The following PHF20 variants were observed in gnomAD, a reference collection of about 807,000 sequenced individuals.
PHF20 encodes the protein glioma-expressed antigen 2.
A neutral mutation model predicts 113.5 loss-of-function variants in PHF20; 23 were observed. That is an observed-to-expected ratio of 0.20 (90% CI 0.15 to 0.29). PHF20 has a LOEUF of 0.29. PHF20 is among the 10% of genes least tolerant of loss of function. The pLI is 1.00. For missense variants in PHF20, 943 were observed against 1,219.6 expected (o/e 0.77, Z 3.38); for synonymous variants, 434 against 457.3 (o/e 0.95, Z 0.65).
intron 2 of PHF20, among the ~76,000 whole-genome samples, chr20:35,816,787 G>GTT (rs879286513): frequency 7.9e-5 from 11 of 139,870 alleles, no homozygotes; most frequent in African/African-American, 2.7e-4. Flanking sequence ...AATTAAATGA[G>GTT]TTTTTTTTTT....
chr20:35,939,558 C>A (rs2055936800), intron 16 of PHF20, among the ~76,000 whole-genome samples: 1 of 152,072 alleles, frequency 6.6e-6, no homozygotes, highest in Non-Finnish European at 1.5e-5. Context: ...ACTTTGAAGC[C>A]CTGTGGTAAA....
Position 35,785,867 on chromosome 20 carries a change from C to T in PHF20, c.-33+13788C>T, listed in dbSNP as rs139808187. Among the ~76,000 whole-genome samples the T allele has an allele frequency of 8.6e-3, 1,294 of 150,326 alleles. 21 individuals carry two copies. Among genetic ancestry groups the T allele is most frequent in the African/African-American group, 0.03 (1,238 of 40,902 alleles). ...CCAACACAGTGAAATCCCGTCTCTA[C>T]TAAAAATACAAAAAATTAGCTGGGC... is the stretch of plus-strand genomic sequence containing the variant. On this transcript the variant is annotated intron_variant, in intron 1 of 17. Transcript: ENST00000374012.
At chr20:35,920,341 A>G (rs2055488578) in intron 13 of PHF20, among the ~76,000 whole-genome samples, 1 of 152,120 alleles carries the variant, frequency 6.6e-6, no homozygotes, top group African/African-American at 2.4e-5. Flanking sequence ...CATGCTATGG[A>G]TGTACCACAG....
chr20:35,820,364 A>G (rs2042146483), intron 2 of PHF20, among the ~76,000 whole-genome samples: 2 of 151,848 alleles, frequency 1.3e-5, no homozygotes, highest in South Asian at 4.1e-4. Flanking sequence ...ATTCCAGTGG[A>G]GGTGGATAGA....
chr20:35,922,279 G>A (rs1044852777), intron 13 of PHF20, among the ~76,000 whole-genome samples: 2 of 152,178 alleles, frequency 1.3e-5, no homozygotes, highest in Admixed American at 6.5e-5. Context: ...TGTGAGCAAC[G>A]TACCTTTTCT....
chr20:35,842,671 A>G lies in PHF20; in HGVS notation c.182A>G (p.Asp61Gly). 1 of 1,614,118 alleles carries G rather than the reference A, an allele frequency of 6.2e-7. No individual in the cohort carries two copies. The highest frequency in any genetic ancestry group is 8.5e-7 in the Non-Finnish European group (1 of 1,179,970). ...CGTTATGATGAGTGGTTCTGCTGGG[A>G]CAGTCCTTATTTACGCCCTTTAGAG... ...NHRYDEWFCW[D>G]SPYLRPLEKI... Residue 61 changes from aspartate (D) to glycine (G), a missense_variant, in exon 3 of 18, where the codon GAC becomes GGC. Physicochemically the swap from Asp to Gly is moderately conservative, Grantham distance 94. Transcript: ENST00000374012.
At chr20:35,924,892 C>T (rs900025667) in intron 13 of PHF20, among the ~76,000 whole-genome samples, 2 of 151,926 alleles carry the variant, frequency 1.3e-5, no homozygotes, top group Non-Finnish European at 2.9e-5. Flanking sequence ...AGAGCCACTG[C>T]GCCTGGCCCA....
chr20:35,885,467 C>CTTTTTTTTTTTTTTTTTT (rs577878410), intron 9 of PHF20, among the ~76,000 whole-genome samples: 2 of 35,738 alleles, frequency 5.6e-5, no homozygotes, highest in African/African-American at 1.1e-4. Context: ...GGGGAATAAG[C>CTTTTTTTTTTTTTTTTTT]TTTTTTTTTT....
rs754080209 is a variant in PHF20, at chr20:35,938,842, G to A, written c.2446G>A (p.Val816Met). Residue 816 changes from valine to methionine, a missense_variant, in exon 16 of 18, where the codon GTG becomes ATG. Val to Met is a conservative substitution (Grantham distance 21). Around this residue, in one of 3 missense-constraint regions of PHF20, gnomAD observed 349 missense variants for 412.3 expected, o/e 0.85. Transcript: ENST00000374012. ...APSYRTLNGA[V>M]EKPRPLALPL... Reference sequence around the variant, plus strand: ...AAGCTATAGAACTTTGAACGGGGCAGTGGAGAAGCCCAGGCCCCTGGCCCT... The same window carrying A: ...AAGCTATAGAACTTTGAACGGGGCAATGGAGAAGCCCAGGCCCCTGGCCCT... 6.2e-7 allele frequency: 1 copy of A among 1,614,224 alleles called. No homozygotes were observed. Among genetic ancestry groups the A allele is most frequent in the East Asian group, 2.2e-5 (1 of 44,882 alleles).
rs201623482 is a variant in PHF20, at chr20:35,865,497, GTTTTTTTTTTT to G, written c.808+2112_808+2122del. ...TATTTAAATTAACTTTTTAAGTTGT[GTTTTTTTTTTT>G]TTTTTTTTTTTTTTGACAGGGTCTC... is the stretch of plus-strand genomic sequence containing the variant. On this transcript the variant is annotated intron_variant, in intron 6 of 17. Transcript: ENST00000374012. Among the ~76,000 whole-genome samples, 479 of 96,602 alleles carry G rather than the reference GTTTTTTTTTTT, an allele frequency of 5.0e-3. 4 individuals are homozygous for G. The highest frequency in any genetic ancestry group is 7.2e-3 in the Admixed American group (63 of 8,714). The allele number at this position is 96,602 out of a possible 152,430, so 63.4% of individuals were successfully genotyped here.
chr20:35,947,335 GGCCC>G lies in PHF20; in HGVS notation c.2897-149_2897-146del. On this transcript the variant is annotated intron_variant, in intron 17 of 17. Coordinates refer to ENST00000374012, the MANE Select transcript of PHF20 (RefSeq NM_016436.5). ...GTGTTGACACAGTGCTGGCTGAAATGGCCCTTCCTCCCTTGCCCCATGGAGGCTG... is the reference window on the plus strand; with the variant it reads ...GTGTTGACACAGTGCTGGCTGAAATGTTCCTCCCTTGCCCCATGGAGGCTG... 12 of 650,596 alleles carry G rather than the reference GGCCC, an allele frequency of 1.8e-5. No homozygotes were observed. The South Asian group carries it at 2.2e-4, about 12-fold the overall frequency. 40.3% of individuals were successfully genotyped at this position (650,596 alleles called of 1,614,324 possible).
chr20:35,947,438 C>G (rs760511485), intron 17 of PHF20, 47 bp from the exon 18 acceptor site: 2 of 1,588,328 alleles, frequency 1.3e-6, no homozygotes, highest in Non-Finnish European at 1.7e-6. Context: ...TCTTGCAAAT[C>G]AAGTGTTGGG....
intron 9 of PHF20, among the ~76,000 whole-genome samples, chr20:35,898,569 G>T (rs1183102756): frequency 2.0e-5 from 3 of 152,116 alleles, no homozygotes; most frequent in African/African-American, 7.2e-5. Context: ...CGAATAGCTA[G>T]AATTACAGAT....
At position 35,899,629 on chromosome 20, in the gene PHF20, G is replaced by A. The variant is rs747560371; in HGVS notation, c.1542G>A (p.Arg514=). 6.2e-7 allele frequency: 1 copy of A among 1,613,954 alleles called. No individual in the cohort carries two copies. Residue 514 remains arginine (R), a synonymous_variant, in exon 10 of 18, where the codon CGG becomes CGA. Transcript: ENST00000374012. Reference sequence around the variant, plus strand: ...GCCAGGAGACCCTGACCAGGAAGCGGGTCTCTGCCAGTTCCCCAAGTAAGT... The same window carrying A: ...GCCAGGAGACCCTGACCAGGAAGCGAGTCTCTGCCAGTTCCCCAAGTAAGT... The part of the protein sequence containing the change: ...KPSQETLTRK[R]VSASSPTTKD...
At chr20:35,914,568 C>T (rs778442701) in intron 12 of PHF20, among the ~76,000 whole-genome samples, 4 of 152,090 alleles carry the variant, frequency 2.6e-5, no homozygotes, top group Non-Finnish European at 2.9e-5. Flanking sequence ...TAGAATGAAC[C>T]GAAAACCTAC....
At chr20:35,839,573 C>G (rs937091179) in intron 2 of PHF20, among the ~76,000 whole-genome samples, 1 of 152,138 alleles carries the variant, frequency 6.6e-6, no homozygotes, top group East Asian at 1.9e-4. Flanking sequence ...AGGGAATCCT[C>G]TCTTGTCTCC....
At chr20:35,941,123 CCA>C (rs2055970768) in intron 17 of PHF20, 76 bp downstream of exon 17, 1 of 1,240,012 alleles carries the variant, frequency 8.1e-7, no homozygotes, top group South Asian at 1.4e-5. Context: ...TCTGAACCCC[CCA>C]GTCTGAGTTT....
At chr20:35,922,065 G>A (rs1235397846) in intron 13 of PHF20, among the ~76,000 whole-genome samples, 1 of 152,168 alleles carries the variant, frequency 6.6e-6, no homozygotes, top group Non-Finnish European at 1.5e-5. Context: ...CTAATTTCGG[G>A]GCAATTGGGG....
At chr20:35,777,623 C>T (rs1190360425) in intron 1 of PHF20, among the ~76,000 whole-genome samples, 1 of 152,150 alleles carries the variant, frequency 6.6e-6, no homozygotes, top group East Asian at 1.9e-4. Context: ...CAAGACCAGC[C>T]TGGGCAACAA....
Sources: allele counts gnomAD v4.1 joint callset (sites outside exome capture counted in the v4.1 genomes callset), GRCh38; gene constraint gnomAD v4.1.1; regional missense constraint gnomAD v4.1.1; transcripts MANE v1.5; gene names NCBI Gene and HGNC (gene_info 2026-07-23, HGNC 2026-07-21).